The following ESCO1 variants were observed in gnomAD, a reference collection of about 807,000 sequenced individuals.
ESCO1 encodes the protein N-acetyltransferase ESCO1.
A neutral mutation model predicts 83.5 loss-of-function variants in ESCO1; 33 were observed. The observed-to-expected ratio is 0.40, with a 90% confidence interval of 0.30 to 0.53. The LOEUF (loss-of-function observed/expected upper bound fraction) is 0.53. Ranked by LOEUF, ESCO1 falls within the 20% of genes least tolerant of loss-of-function variation. The probability of loss-of-function intolerance (pLI) is 0.63; values close to 1 mark genes in which losing one functional copy is unlikely to be tolerated. For missense variants in ESCO1, 855 were observed against 968.0 expected (o/e 0.88, Z 1.55); for synonymous variants, 332 against 324.3 (o/e 1.02, Z -0.25).
intron 2 of ESCO1, among the ~76,000 whole-genome samples, chr18:21,580,253 C>G (rs1286127745): frequency 6.6e-6 from 1 of 151,916 alleles, no homozygotes; most frequent in East Asian, 1.9e-4. Context: ...AGGAAAAAAA[C>G]TTTTTAATTT....
Position 21,574,793 on chromosome 18 carries a change from T to C in ESCO1, c.51A>G (p.Lys17=). Residue 17 remains lysine (K), a synonymous_variant, in exon 4 of 12, where the codon AAA becomes AAG. Coordinates refer to ENST00000269214, the MANE Select transcript of ESCO1 (RefSeq NM_052911.3). ...KSKENSSKVT[K]KSDDKNSETE... ...TTTCTGAATTCTTATCGTCACTTTT[T>C]TTAGTAACTTTGGAGGAATTCTCTT... 1 of 1,599,734 alleles carries C rather than the reference T, an allele frequency of 6.3e-7. No individual in the cohort carries two copies. Among genetic ancestry groups the C allele is most frequent in the Non-Finnish European group, 8.5e-7 (1 of 1,179,142 alleles).
At chr18:21,553,647 C>G (rs993399333) in intron 8 of ESCO1, among the ~76,000 whole-genome samples, 1 of 151,602 alleles carries the variant, frequency 6.6e-6, no homozygotes, top group Non-Finnish European at 1.5e-5. Context: ...CACCTGAGGT[C>G]GGGAGTTCGA....
intron 2 of ESCO1, among the ~76,000 whole-genome samples, chr18:21,581,005 C>T (rs1406555098): frequency 1.3e-5 from 2 of 149,796 alleles, no homozygotes; most frequent in Non-Finnish European, 3.0e-5. Flanking sequence ...GAGTCTCATT[C>T]TGTCACTTAA....
chr18:21,597,607 A>G (rs1478922214), intron 1 of ESCO1, among the ~76,000 whole-genome samples: 1 of 152,156 alleles, frequency 6.6e-6, no homozygotes, highest in East Asian at 1.9e-4. Flanking sequence ...AGTAACTATC[A>G]ATAGATATAA....
chr18:21,596,832 A>T (rs892814810), intron 1 of ESCO1: 1 of 151,674 alleles, frequency 6.6e-6, no homozygotes, highest in Non-Finnish European at 1.5e-5. Context: ...TCAAAAAAAT[A>T]AAAAAAAATT....
At position 21,530,505 on chromosome 18, in the gene ESCO1, TGG is replaced by T. The variant is rs35451929; in HGVS notation, c.2376-17_2376-16del. Reference sequence around the variant, plus strand: ...TAAAGTTACTCCTATTAAAAAAAAATGGGGGGGGGGAAGGGTTAAGTGTGAAA... The same window carrying T: ...TAAAGTTACTCCTATTAAAAAAAAATGGGGGGGGAAGGGTTAAGTGTGAAA... On this transcript the variant is annotated splice_polypyrimidine_tract_variant and intron_variant, in intron 11 of 11. Coordinates refer to ENST00000269214, the MANE Select transcript of ESCO1 (RefSeq NM_052911.3). 4.7e-3 allele frequency: 5,358 copies of T among 1,140,944 alleles called. 128 individuals are homozygous for T. The highest frequency in any genetic ancestry group is 0.014 in the South Asian group (862 of 62,386). 70.7% of individuals were successfully genotyped at this position (1,140,944 alleles called of 1,614,324 possible).
intron 4 of ESCO1, among the ~76,000 whole-genome samples, chr18:21,569,386 C>T (rs899819168): frequency 2.6e-5 from 4 of 151,936 alleles, no homozygotes; most frequent in African/African-American, 9.7e-5. Flanking sequence ...ATCATGAGGT[C>T]AAGGGATCAA....
At position 21,530,256 on chromosome 18, in the gene ESCO1, A is replaced by C; in HGVS notation, c.*87T>G. 5 of 1,209,252 alleles carry C rather than the reference A, an allele frequency of 4.1e-6. No individual in the cohort carries two copies. Among genetic ancestry groups the C allele is most frequent in the Non-Finnish European group, 4.4e-6 (4 of 909,750 alleles). 74.9% of individuals were successfully genotyped at this position (1,209,252 alleles called of 1,614,324 possible). On this transcript the variant is annotated 3_prime_UTR_variant, in exon 12 of 12. Coordinates refer to ENST00000269214, the MANE Select transcript of ESCO1 (RefSeq NM_052911.3). ...TTGCCAGTCCTGAGTTCATTGTAAT[A>C]AAAATGGCCCTAGTTCCTGGTTAAA... is the stretch of plus-strand genomic sequence containing the variant.
rs2037753855 is a variant in ESCO1 at position 21,530,507 on chromosome 18, G to GAA, written c.2376-18_2376-17insTT. The GAA allele has an allele frequency of 8.6e-7, 1 of 1,156,080 alleles. No homozygotes were observed. The highest frequency in any genetic ancestry group is 3.9e-5 in the Admixed American group (1 of 25,826). The allele number at this position is 1,156,080 out of a possible 1,614,324, so 71.6% of individuals were successfully genotyped here. A position where few individuals can be genotyped will look rare whatever the true frequency, so the allele number is the denominator to read the frequency against. ...AAGTTACTCCTATTAAAAAAAAATG[G>GAA]GGGGGGGGAAGGGTTAAGTGTGAAA... On this transcript the variant is annotated splice_polypyrimidine_tract_variant and intron_variant, in intron 11 of 11. Coordinates refer to ENST00000269214, the MANE Select transcript of ESCO1 (RefSeq NM_052911.3).
chr18:21,589,274 A>T (rs1364162572), intron 1 of ESCO1, among the ~76,000 whole-genome samples: 1 of 152,066 alleles, frequency 6.6e-6, no homozygotes, highest in African/African-American at 2.4e-5. Context: ...CAACAAGTCA[A>T]ATAAAAACAA....
At chr18:21,532,204 G>A (rs1416964392) in intron 11 of ESCO1, among the ~76,000 whole-genome samples, 1 of 152,074 alleles carries the variant, frequency 6.6e-6, no homozygotes, top group African/African-American at 2.4e-5. Flanking sequence ...GAAATAGGCA[G>A]GTTATTTTGG....
At chr18:21,565,463 G>A (rs1237814942) in intron 6 of ESCO1, among the ~76,000 whole-genome samples, 1 of 152,244 alleles carries the variant, frequency 6.6e-6, no homozygotes, top group African/African-American at 2.4e-5. Flanking sequence ...GTCTGACAAT[G>A]CGGGATAAGT....
intron 1 of ESCO1, among the ~76,000 whole-genome samples, chr18:21,586,935 CA>C (rs566917100): frequency 1.3e-3 from 193 of 152,212 alleles, no homozygotes; most frequent in Admixed American, 2.6e-3. Context: ...GTTTGTTGAG[CA>C]GTTTTATCAT....
Position 21,570,953 on chromosome 18 carries a change from G to A in ESCO1, c.1530+2361C>T, listed in dbSNP as rs191564008. Among the ~76,000 whole-genome samples the A allele has an allele frequency of 1.9e-4, 28 of 149,954 alleles. 1 individual carries two copies. The East Asian group carries it at 5.5e-3, about 30-fold the overall frequency. ...GATGCACCACTGCACTCCAGCCGGG[G>A]TGACAGAGTGAGACTTCATCTCAAA... On this transcript the variant is annotated intron_variant, in intron 4 of 11. Coordinates refer to ENST00000269214, the MANE Select transcript of ESCO1 (RefSeq NM_052911.3).
chr18:21,573,959 T>C lies in ESCO1; in HGVS notation c.885A>G (p.Ala295=). 1 of 1,614,024 alleles carries C rather than the reference T, an allele frequency of 6.2e-7. No individual in the cohort carries two copies. Among genetic ancestry groups the C allele is most frequent in the Non-Finnish European group, 8.5e-7 (1 of 1,180,036 alleles). Residue 295 remains alanine (A), a synonymous_variant, in exon 4 of 12, where the codon GCA becomes GCG. Transcript: ENST00000269214. ...GAATACTACCTCGTTTGCTCTTTCC[T>C]GCTTGCTCCAGCTCATTATCACTTT... ...PEQSDNELEQ[A]GKSKRGSILQ...
chr18:21,554,902 C>T (rs575480931), intron 8 of ESCO1, among the ~76,000 whole-genome samples: 2 of 151,156 alleles, frequency 1.3e-5, no homozygotes, highest in South Asian at 2.1e-4. Context: ...AGTGAGGCTC[C>T]GTCTCAAAAA....
intron 2 of ESCO1, among the ~76,000 whole-genome samples, chr18:21,578,855 G>A (rs946589287): frequency 2.6e-5 from 4 of 151,200 alleles, no homozygotes; most frequent in African/African-American, 4.9e-5. Context: ...GCACCACCAC[G>A]CCTGGCTATT....
chr18:21,546,001 G>C (rs2037969746), intron 8 of ESCO1, among the ~76,000 whole-genome samples: 1 of 152,164 alleles, frequency 6.6e-6, no homozygotes, highest in Non-Finnish European at 1.5e-5. Flanking sequence ...ACTTCAAAGT[G>C]TTTAAAAGTC....
chr18:21,599,480 A>G (rs1425145357), intron 1 of ESCO1, among the ~76,000 whole-genome samples: 1 of 152,216 alleles, frequency 6.6e-6, no homozygotes, highest in East Asian at 1.9e-4. Flanking sequence ...TCTATGTTTT[A>G]TCCACTTTTT....
Sources: allele counts gnomAD v4.1 joint callset (sites outside exome capture counted in the v4.1 genomes callset), GRCh38; gene constraint gnomAD v4.1.1; transcripts MANE v1.5; gene names NCBI Gene and HGNC (gene_info 2026-07-23, HGNC 2026-07-21).